SPTBN2: variants seen among roughly 807,000 people sequenced by gnomAD.
SPTBN2 encodes the protein spectrin beta chain, non-erythrocytic 2.
Under a neutral mutation model 284.2 loss-of-function variants are expected in SPTBN2, and 107 were observed. The observed-to-expected ratio is 0.38, with a 90% CI of 0.32 to 0.44. The LOEUF (loss-of-function observed/expected upper bound fraction) is 0.44, where lower values mean the gene tolerates loss of function less well. Among genes scored for constraint, SPTBN2 ranks in the 20% least tolerant of loss-of-function variants. The probability of loss-of-function intolerance (pLI) is 1.00; values close to 1 mark genes in which losing one functional copy is unlikely to be tolerated. For synonymous variants in SPTBN2, 1,289 were observed against 1,354.8 expected (o/e 0.95, Z 1.07); for missense variants, 2,569 against 3,287.1 (o/e 0.78, Z 5.34).
chr11:66,690,456 T>C (rs1239232597), intron 27 of SPTBN2, 173 bp from the exon 28 acceptor site: 5 of 887,550 alleles, frequency 5.6e-6, no homozygotes, highest in African/African-American at 3.4e-5. Context: ...GGCCACACTC[T>C]GCCCTGTTGG....
chr11:66,688,121 T>C, intron 32 of SPTBN2, 42 bp from the exon 33 acceptor site: 2 of 1,613,678 alleles, frequency 1.2e-6, no homozygotes, highest in Non-Finnish European at 1.7e-6. Context: ...AGTCCCTGGG[T>C]GGCCTGGGCT....
In SPTBN2 at chr11:66,714,362, ACTT is replaced by A; in HGVS notation, c.526_528del (p.Lys176del). The A allele has an allele frequency of 1.2e-6, 2 of 1,613,930 alleles. No homozygotes were observed. The highest frequency in any genetic ancestry group is 1.7e-6 in the Non-Finnish European group (2 of 1,179,954). On this transcript the variant is annotated inframe_deletion, in exon 6 of 38. Transcript: ENST00000533211. The stretch of plus-strand genomic sequence containing the variant: ...CACAGAAGCAGGGCATCCTTGGCTG[ACTT>A]CTTCTCCTTGTTGTCTTCTGTCTCC...
At position 66,687,348 on chromosome 11, in the gene SPTBN2, C is replaced by G. The variant is rs138742770; in HGVS notation, c.6722+79G>C. ...CTACCCTTTGCCCAGAAGATGTACT[C>G]TAAAGGGCATCCCTCCCTCTATCTG... On this transcript the variant is annotated intron_variant, in intron 35 of 37. Coordinates refer to ENST00000533211, the MANE Select transcript of SPTBN2 (RefSeq NM_006946.4). The surrounding 1 kb of genome is among the most constrained non-coding windows in gnomAD (Gnocchi z 5.2). The G allele has an allele frequency of 3.3e-4, 526 of 1,576,022 alleles. 2 individuals are homozygous for G. In the African/African-American group the frequency reaches 6.4e-3, roughly 19 times the overall value.
chr11:66,708,154 C>T lies in SPTBN2; in HGVS notation c.1337G>A (p.Arg446His), dbSNP rs931035058. 6.2e-6 allele frequency: 10 copies of T among 1,613,150 alleles called. 1 individual carries two copies. Among genetic ancestry groups the T allele is most frequent in the South Asian group, 3.3e-5 (3 of 91,080 alleles). Residue 446 changes from arginine (R) to histidine (H), a missense_variant, in exon 12 of 38, where the codon CGC becomes CAC. Physicochemically the swap from Arg to His is conservative, Grantham distance 29. Transcript: ENST00000533211. This position sits in a 1 kb window ranked among gnomAD's most constrained non-coding sequence, Gnocchi z 4.4. The part of the protein sequence containing the change: ...MRETWLSENQ[R>H]LVSQDNFGLE... ...CTCAAGTCCTACCTGGGACACGAGG[C>T]GCTGGTTCTCGCTGAGCCAGGTCTC...
chr11:66,688,369 A>G (rs1940298076), intron 31 of SPTBN2, 58 bp from the exon 32 acceptor site: 1 of 1,548,158 alleles, frequency 6.5e-7, no homozygotes, highest in Non-Finnish European at 8.7e-7. Flanking sequence ...GGCCAGGGAA[A>G]CAGGGAGAGC....
At chr11:66,686,299 A>G (rs1369614643) in intron 37 of SPTBN2, 99 bp downstream of exon 37, 3 of 1,544,650 alleles carry the variant, frequency 1.9e-6, no homozygotes, top group Non-Finnish European at 2.7e-6. Context: ...CACAAAGGAC[A>G]AGACCAGGAA....
chr11:66,710,811 G>A lies in SPTBN2; in HGVS notation c.886-42C>T, dbSNP rs763761655. ...AGGGACGTGACAGTCCCAGCCACAG[G>A]GTCCCTGGCCCAGTCCTGCAGCTCC... On this transcript the variant is annotated intron_variant, in intron 9 of 37. Coordinates refer to ENST00000533211, the MANE Select transcript of SPTBN2 (RefSeq NM_006946.4). This position sits in a 1 kb window ranked among gnomAD's most constrained non-coding sequence, Gnocchi z 4.9. The A allele has an allele frequency of 1.9e-6, 3 of 1,612,652 alleles. No homozygotes were observed. Among genetic ancestry groups the A allele is most frequent in the Non-Finnish European group, 2.5e-6 (3 of 1,179,584 alleles).
chr11:66,699,616 G>T lies in SPTBN2; in HGVS notation c.3574-8C>A. The T allele has an allele frequency of 6.2e-7, 1 of 1,613,806 alleles. No homozygotes were observed. Among genetic ancestry groups the T allele is most frequent in the Non-Finnish European group, 8.5e-7 (1 of 1,179,932 alleles). On this transcript the variant is annotated splice_region_variant and splice_polypyrimidine_tract_variant and intron_variant, in intron 17 of 37. Coordinates refer to ENST00000533211, the MANE Select transcript of SPTBN2 (RefSeq NM_006946.4). ...GTGAGACAGAACATATTCCTGTGTG[G>T]GAGGGATGACATTCAGCTCATTTTC...
rs189785006 is a variant in SPTBN2, at chr11:66,709,789, C to T, written c.1074-770G>A. On this transcript the variant is annotated intron_variant, in intron 10 of 37. Coordinates refer to ENST00000533211, the MANE Select transcript of SPTBN2 (RefSeq NM_006946.4). ...AACTCCATGACAGCATAAACACAGA[C>T]GTTTTGGCAGGTACTGAACAGAATT... Among the ~76,000 whole-genome samples the T allele has an allele frequency of 8.0e-4, 122 of 152,316 alleles. No individual in the cohort carries two copies. The South Asian group carries it at 0.012, about 15-fold the overall frequency.
upstream of SPTBN2, among the ~76,000 whole-genome samples, chr11:66,729,447 TG>T (rs928659163): frequency 6.6e-6 from 1 of 152,080 alleles, no homozygotes; most frequent in African/African-American, 2.4e-5. Context: ...ATGCCTGAAA[TG>T]GTCAAGTAAG....
rs1940424420 is a variant in SPTBN2, at chr11:66,689,961, C to T, written c.5811-18G>A. The T allele has an allele frequency of 6.2e-7, 1 of 1,613,768 alleles. No individual in the cohort carries two copies. Among genetic ancestry groups the T allele is most frequent in the South Asian group, 1.1e-5 (1 of 91,062 alleles). ...ACACATCCCTGGGGGGAGGCAGAAA[C>T]AGCATCACCTGCTGCCCACAGCCCC... On this transcript the variant is annotated intron_variant, in intron 28 of 37. Transcript: ENST00000533211.
intron 37 of SPTBN2, 130 bp from the exon 38 acceptor site, chr11:66,686,234 C>T: frequency 7.2e-7 from 1 of 1,381,764 alleles, no homozygotes; most frequent in Non-Finnish European, 1.0e-6. Context: ...GAGAATGTGG[C>T]CGGCTTAGAC....
rs962254735 is a variant in SPTBN2, at chr11:66,686,624, G to A, written c.6897-184C>T. On this transcript the variant is annotated intron_variant, in intron 36 of 37. Coordinates refer to ENST00000533211, the MANE Select transcript of SPTBN2 (RefSeq NM_006946.4). ...GACTGTGCAGAAGCACATCCTTTCTGACTGGCCCCAGAGGCAGGGGGAGCT... is the reference window on the plus strand; with the variant it reads ...GACTGTGCAGAAGCACATCCTTTCTAACTGGCCCCAGAGGCAGGGGGAGCT... The A allele has an allele frequency of 1.5e-4, 106 of 712,780 alleles. No individual in the cohort carries two copies. In the African/African-American group the frequency reaches 1.7e-3, roughly 12 times the overall value. 44.2% of individuals were successfully genotyped at this position (712,780 alleles called of 1,614,324 possible).
chr11:66,687,034 C>T lies in SPTBN2; in HGVS notation c.6856G>A (p.Ala2286Thr). The T allele has an allele frequency of 1.2e-6, 2 of 1,614,098 alleles. No homozygotes were observed. The highest frequency in any genetic ancestry group is 1.7e-6 in the Non-Finnish European group (2 of 1,180,034). The change falls in exon 36 of 38, where the codon GCC (alanine) becomes ACC (threonine). Residue 2286 changes from alanine to threonine, a missense_variant. Physicochemically the swap from Ala to Thr is moderately conservative, Grantham distance 58 (BLOSUM62 0). Around this residue, in one of 6 missense-constraint regions of SPTBN2, gnomAD observed 1,130 missense variants for 1,317.3 expected, o/e 0.86. Transcript: ENST00000533211. This position sits in a 1 kb window ranked among gnomAD's most constrained non-coding sequence, Gnocchi z 5.2. ...TGTTTGCGCTTTCGGTAATCAAAGG[C>T]GACGCTGCCCTGGGCCCTGGCCAGG... ...VSLARAQGSVAFDYRKRKHVF... is the reference protein window; with the variant it reads ...VSLARAQGSVTFDYRKRKHVF...
In SPTBN2 at chr11:66,704,814, G is replaced by A. The variant is rs760200143; in HGVS notation, c.2462C>T (p.Pro821Leu). 6.2e-7 allele frequency: 1 copy of A among 1,606,110 alleles called. No homozygotes were observed. The highest frequency in any genetic ancestry group is 8.5e-7 in the Non-Finnish European group (1 of 1,179,074). Residue 821 changes from proline (P) to leucine (L), a missense_variant, in exon 15 of 38, where the codon CCC becomes CTC. Coordinates refer to ENST00000533211, the MANE Select transcript of SPTBN2 (RefSeq NM_006946.4). ...GGTGGGCACCCGGCTCTGCACCTCG[G>A]GCGTGCGGCTCAGTGTGGGGGGCAG... Reference protein sequence around the residue: ...AALPPTLSRTPEVQSRVPTLE... With the variant: ...AALPPTLSRTLEVQSRVPTLE...
At position 66,718,400 on chromosome 11, in the gene SPTBN2, C is replaced by T. The variant is rs1369917561; in HGVS notation, c.158-2419G>A. 6.6e-6 allele frequency among the ~76,000 whole-genome samples: 1 copy of T among 152,258 alleles called. No individual in the cohort carries two copies. The highest frequency in any genetic ancestry group is 6.5e-5 in the Admixed American group (1 of 15,292). On this transcript the variant is annotated intron_variant, in intron 3 of 37. Coordinates refer to ENST00000533211, the MANE Select transcript of SPTBN2 (RefSeq NM_006946.4). This position sits in a 1 kb window ranked among gnomAD's most constrained non-coding sequence, Gnocchi z 4.8. Reference sequence around the variant, plus strand: ...ACTCTCCCCACACCCAGGTCCCTCTCGCCCAGGCACAGTCGTCCCCACAGG... The same window carrying T: ...ACTCTCCCCACACCCAGGTCCCTCTTGCCCAGGCACAGTCGTCCCCACAGG...
intron 21 of SPTBN2, 80 bp from the exon 22 acceptor site, chr11:66,694,443 T>G: frequency 7.1e-7 from 1 of 1,414,810 alleles, no homozygotes; most frequent in South Asian, 1.3e-5. Flanking sequence ...CCAGTCTCTA[T>G]CCAGCCCACT....
At chr11:66,697,177 G>A (rs1202003722) in intron 20 of SPTBN2, among the ~76,000 whole-genome samples, 1 of 152,030 alleles carries the variant, frequency 6.6e-6, no homozygotes, top group Non-Finnish European at 1.5e-5. Context: ...ATGAGGGTTG[G>A]GCTCCTGATG....
In SPTBN2 at chr11:66,693,390, C is replaced by T. The variant is rs764160609; in HGVS notation, c.4650G>A (p.Arg1550=). ...HEPRIADLRE[R]QRALGAAAAG... The stretch of plus-strand genomic sequence containing the variant: ...CTGCTGCTGCACCTAGAGCACGCTG[C>T]CGCTCCCTCAGGTCCGCGATCCGGG... The change falls in exon 24 of 38, where the codon CGG becomes CGA. Residue 1550 remains arginine, a synonymous_variant. Coordinates refer to ENST00000533211, the MANE Select transcript of SPTBN2 (RefSeq NM_006946.4). The surrounding 1 kb of genome is among the most constrained non-coding windows in gnomAD (Gnocchi z 5.7). 1.9e-6 allele frequency: 3 copies of T among 1,601,884 alleles called. No homozygotes were observed. Among genetic ancestry groups the T allele is most frequent in the Non-Finnish European group, 2.5e-6 (3 of 1,179,938 alleles).
Sources: allele counts gnomAD v4.1 joint callset (sites outside exome capture counted in the v4.1 genomes callset), GRCh38; gene constraint gnomAD v4.1.1; regional missense constraint gnomAD v4.1.1; non-coding constraint Gnocchi (gnomAD v3.1); transcripts MANE v1.5; gene names NCBI Gene and HGNC (gene_info 2026-07-23, HGNC 2026-07-21).